RREB1: variants seen among roughly 807,000 people sequenced by gnomAD.
RREB1 encodes the protein ras-responsive element-binding protein 1.
A neutral mutation model predicts 117.8 loss-of-function variants in RREB1; 27 were observed. The observed-to-expected ratio is 0.23, with a 90% confidence interval of 0.17 to 0.32. RREB1 has a LOEUF of 0.32. Among genes scored for constraint, RREB1 ranks in the 10% least tolerant of loss-of-function variants. The probability of loss-of-function intolerance (pLI) is 1.00; values close to 1 mark genes in which losing one functional copy is unlikely to be tolerated. For missense variants in RREB1, 2,577 were observed against 2,378.2 expected (o/e 1.08, Z -1.74); for synonymous variants, 1,298 against 1,026.7 (o/e 1.26, Z -5.05).
At position 7,246,761 on chromosome 6, in the gene RREB1, C is replaced by T. The variant is rs187908583; in HGVS notation, c.4311C>T (p.Gly1437=). Residue 1437 remains glycine, a synonymous_variant, in exon 12 of 13, where the codon GGC becomes GGT. Transcript: ENST00000379938. ...TGGCGGAGGGCGACGGCGAGGCAGG[C>T]GCCGGGGGCGCGGCCTCGCAGGAGC... The part of the protein sequence containing the change: ...FKLAEGDGEA[G]AGGAASQEQK... 9.1e-4 allele frequency: 1,419 copies of T among 1,560,686 alleles called. 8 individuals carry two copies. The African/African-American group carries it at 0.017, about 19-fold the overall frequency.
chr6:7,246,979 C>T lies in RREB1; in HGVS notation c.4529C>T (p.Ser1510Leu), dbSNP rs201088383. ...GAGACCCCGGCAGAGGTGGTGGAGT[C>T]GGCCCCGGGTGCCGGGGAGGCCCCG... ...PPETPAEVVE[S>L]APGAGEAPAE... Residue 1510 changes from serine (S) to leucine (L), a missense_variant, in exon 12 of 13, where the codon TCG (serine) becomes TTG (leucine). Ser to Leu is a moderately radical substitution (Grantham distance 145). Transcript: ENST00000379938. 1.8e-5 allele frequency: 29 copies of T among 1,581,890 alleles called. No individual in the cohort carries two copies. Among genetic ancestry groups the T allele is most frequent in the Admixed American group, 1.6e-4 (9 of 55,552 alleles).
intron 1 of RREB1, among the ~76,000 whole-genome samples, chr6:7,150,756 C>T (rs1003698770): frequency 1.3e-5 from 2 of 152,196 alleles, no homozygotes. Flanking sequence ...AGGGGGCTTG[C>T]AGGAGAGATG....
chr6:7,186,062 C>T (rs1765064743), intron 4 of RREB1, among the ~76,000 whole-genome samples: 1 of 152,190 alleles, frequency 6.6e-6, no homozygotes, highest in Admixed American at 6.5e-5. Context: ...AGCAGAAACT[C>T]ATTCAAATGA....
rs146744494 is a variant in RREB1 at position 7,229,312 on chromosome 6, G to A, written c.1213G>A (p.Gly405Ser). 50 of 1,614,078 alleles carry A rather than the reference G, an allele frequency of 3.1e-5. No individual in the cohort carries two copies. The highest frequency in any genetic ancestry group is 2.9e-4 in the African/African-American group (22 of 75,002). The stretch of plus-strand genomic sequence containing the variant: ...CAAGTGTCAGCTACCTCAGGACCCC[G>A]GCTGCACCAACCTGCTGAGCCTGTC... ...TLKCQLPQDP[G>S]CTNLLSLSPF... Residue 405 changes from glycine to serine, a missense_variant, in exon 10 of 13, where the codon GGC (glycine) becomes AGC (serine). Physicochemically the swap from Gly to Ser is moderately conservative, Grantham distance 56. Coordinates refer to ENST00000379938, the MANE Select transcript of RREB1 (RefSeq NM_001003699.4). The surrounding 1 kb of genome is among the most constrained non-coding windows in gnomAD (Gnocchi z 4.5).
chr6:7,164,624 G>T (rs1159668530), intron 1 of RREB1, among the ~76,000 whole-genome samples: 1 of 152,148 alleles, frequency 6.6e-6, no homozygotes, highest in East Asian at 1.9e-4. Flanking sequence ...CTTGATTGAT[G>T]CACAAAAGAG....
chr6:7,198,892 C>G (rs561579241), intron 6 of RREB1, among the ~76,000 whole-genome samples: 5 of 152,260 alleles, frequency 3.3e-5, no homozygotes, highest in African/African-American at 1.2e-4. Flanking sequence ...CCATAATCTT[C>G]CCTCCAGAGT....
intron 1 of RREB1, among the ~76,000 whole-genome samples, chr6:7,171,022 G>T (rs1764181082): frequency 6.6e-6 from 1 of 152,184 alleles, no homozygotes; most frequent in Non-Finnish European, 1.5e-5. Context: ...TGCCCTTGGG[G>T]TTTGTTTGGT....
chr6:7,223,997 T>C (rs948244984), intron 8 of RREB1, among the ~76,000 whole-genome samples: 76 of 152,202 alleles, frequency 5.0e-4, no homozygotes, highest in Admixed American at 2.2e-3. Context: ...TGGAAACTTA[T>C]GTTGGAAAGG....
intron 7 of RREB1, 138 bp from the exon 8 acceptor site, chr6:7,211,435 G>A: frequency 1.4e-6 from 1 of 708,956 alleles, no homozygotes; most frequent in South Asian, 1.8e-5. Flanking sequence ...TGAATGGTCA[G>A]GTCCTTAATA....
chr6:7,167,761 G>A (rs948132252), intron 1 of RREB1, among the ~76,000 whole-genome samples: 3 of 152,198 alleles, frequency 2.0e-5, no homozygotes, highest in African/African-American at 7.2e-5. Context: ...CTGGAATGTT[G>A]GAGGATAAAT....
At position 7,209,778 on chromosome 6, in the gene RREB1, G is replaced by A. The variant is rs139918252; in HGVS notation, c.426-1026G>A. Among the ~76,000 whole-genome samples the A allele has an allele frequency of 2.7e-3, 408 of 152,136 alleles. 3 individuals are homozygous for A. Among genetic ancestry groups the A allele is most frequent in the African/African-American group, 9.3e-3 (386 of 41,530 alleles). Reference sequence around the variant, plus strand: ...AAGAGAGCAGAACTTCTTTTCAGAAGGTTGACAGGATAGCTCATGAAAATT... The same window carrying A: ...AAGAGAGCAGAACTTCTTTTCAGAAAGTTGACAGGATAGCTCATGAAAATT... On this transcript the variant is annotated intron_variant, in intron 6 of 12. Coordinates refer to ENST00000379938, the MANE Select transcript of RREB1 (RefSeq NM_001003699.4).
chr6:7,146,444 G>T (rs145110142), intron 1 of RREB1, among the ~76,000 whole-genome samples: 90 of 152,278 alleles, frequency 5.9e-4, no homozygotes, highest in African/African-American at 2.1e-3. Context: ...GCCTGGGAGG[G>T]CAGTGAGGTG....
chr6:7,116,754 A>G (rs1016809547), intron 1 of RREB1, among the ~76,000 whole-genome samples: 1 of 152,264 alleles, frequency 6.6e-6, no homozygotes, highest in East Asian at 1.9e-4. Context: ...AATTACAGAA[A>G]TTCTAAAATA....
At chr6:7,209,326 T>C (rs1766453233) in intron 6 of RREB1, among the ~76,000 whole-genome samples, 1 of 152,206 alleles carries the variant, frequency 6.6e-6, no homozygotes, top group Admixed American at 6.5e-5. Flanking sequence ...TCTCTTATAC[T>C]TTCTCAACTC....
chr6:7,225,247 A>T (rs1338064947), intron 8 of RREB1, among the ~76,000 whole-genome samples: 1 of 152,196 alleles, frequency 6.6e-6, no homozygotes, highest in Non-Finnish European at 1.5e-5. Flanking sequence ...ACATAAATAC[A>T]TGGAATGATG....
intron 6 of RREB1, among the ~76,000 whole-genome samples, chr6:7,204,194 C>T (rs557737889): frequency 1.3e-4 from 20 of 152,252 alleles, no homozygotes; most frequent in Non-Finnish European, 2.6e-4. Context: ...ACCTGCCTTC[C>T]GGACAAGCAT....
At position 7,229,491 on chromosome 6, in the gene RREB1, C is replaced by T. The variant is rs147038452; in HGVS notation, c.1392C>T (p.Ala464=). ...IVVKPISGES[A]IELADIQQIL... ...TCAAGCCCATCTCTGGCGAGTCGGC[C>T]ATCGAGCTGGCAGACATCCAGCAAA... is the stretch of plus-strand genomic sequence containing the variant. The change falls in exon 10 of 13, where the codon GCC becomes GCT. Residue 464 remains alanine, a synonymous_variant. Transcript: ENST00000379938. This position sits in a 1 kb window ranked among gnomAD's most constrained non-coding sequence, Gnocchi z 4.5. 1 of 1,614,176 alleles carries T rather than the reference C, an allele frequency of 6.2e-7. No individual in the cohort carries two copies. Among genetic ancestry groups the T allele is most frequent in the Admixed American group, 1.7e-5 (1 of 60,028 alleles).
At chr6:7,159,942 C>T (rs1488953792) in intron 1 of RREB1, among the ~76,000 whole-genome samples, 1 of 152,136 alleles carries the variant, frequency 6.6e-6, no homozygotes, top group Non-Finnish European at 1.5e-5. Context: ...GCTTATCAAC[C>T]TAAGCATGTC....
Position 7,247,038 on chromosome 6 carries a change from T to C in RREB1, c.4588T>C (p.Ser1530Pro), listed in dbSNP as rs757983549. The change falls in exon 12 of 13, where the codon TCC becomes CCC. Residue 1530 changes from serine (S) to proline (P), a missense_variant. By Grantham distance (74) the Ser-to-Pro change is moderately conservative. Transcript: ENST00000379938. The stretch of plus-strand genomic sequence containing the variant: ...GCTCGCGGAGGAGACGGAGGGCCCC[T>C]CCGACGGGGAGAGCGCGGCCGAGAA... Reference protein sequence around the residue: ...EKLAEETEGPSDGESAAEKRS... With the variant: ...EKLAEETEGPPDGESAAEKRS... 16 of 1,611,880 alleles carry C rather than the reference T, an allele frequency of 9.9e-6. No homozygotes were observed. In the South Asian group the frequency reaches 1.4e-4, roughly 14 times the overall value.
Sources: allele counts gnomAD v4.1 joint callset (sites outside exome capture counted in the v4.1 genomes callset), GRCh38; gene constraint gnomAD v4.1.1; non-coding constraint Gnocchi (gnomAD v3.1); transcripts MANE v1.5; gene names NCBI Gene and HGNC (gene_info 2026-07-23, HGNC 2026-07-21).